The following ANKS1A variants were observed in gnomAD, a reference collection of about 807,000 sequenced individuals.
ANKS1A encodes ankyrin repeat and sterile alpha motif domain containing 1A, also known as ankyrin repeat and SAM domain-containing protein 1A.
Under a neutral mutation model 120.3 loss-of-function variants are expected in ANKS1A, and 55 were observed. The observed-to-expected ratio is 0.46, with a 90% CI of 0.37 to 0.57. The LOEUF (loss-of-function observed/expected upper bound fraction) is 0.57. Ranked by LOEUF, ANKS1A falls within the 20% of genes least tolerant of loss-of-function variation. The pLI, the probability that ANKS1A is intolerant of heterozygous loss-of-function variation, is 0.00. For synonymous variants in ANKS1A, 590 were observed against 604.7 expected (o/e 0.98, Z 0.36); for missense variants, 1,123 against 1,480.3 (o/e 0.76, Z 3.96).
chr6:35,081,483 C>T (rs901647196), intron 17 of ANKS1A, among the ~76,000 whole-genome samples: 1 of 152,212 alleles, frequency 6.6e-6, no homozygotes, highest in African/African-American at 2.4e-5. Flanking sequence ...CACTGCCTCC[C>T]CTGCTGGCCC....
At chr6:35,034,868 G>A (rs1009784635) in intron 11 of ANKS1A, among the ~76,000 whole-genome samples, 4 of 152,330 alleles carry the variant, frequency 2.6e-5, no homozygotes, top group Middle Eastern at 6.8e-3. Context: ...AATGGGCTAA[G>A]GACAGACTTG....
intron 3 of ANKS1A, chr6:34,972,481 T>C (rs78029704): frequency 0.02 from 8,630 of 435,392 alleles, 109 homozygotes; most frequent in Non-Finnish European, 0.024. Flanking sequence ...AGAGGGCAGA[T>C]TCAAGTTGTT....
intron 1 of ANKS1A, among the ~76,000 whole-genome samples, chr6:34,919,523 C>A (rs917243128): frequency 6.6e-6 from 1 of 152,232 alleles, no homozygotes; most frequent in Non-Finnish European, 1.5e-5. Flanking sequence ...CTACACATGC[C>A]TCTTTGCCTA....
Position 35,081,135 on chromosome 6 carries a change from C to A in ANKS1A, c.2686C>A (p.Arg896=). The change falls in exon 17 of 24, where the codon CGA becomes AGA. Residue 896 remains arginine, a synonymous_variant. Transcript: ENST00000360359. ...TCTCCATGACCCTGCGGCACCCTCC[C>A]GAGCGGAGCGCTTCAGGATCCAGGT... is the stretch of plus-strand genomic sequence containing the variant. The part of the protein sequence containing the change: ...DSLHDPAAPS[R]AERFRIQEEH... 1 of 1,611,874 alleles carries A rather than the reference C, an allele frequency of 6.2e-7. No individual in the cohort carries two copies. The highest frequency in any genetic ancestry group is 8.5e-7 in the Non-Finnish European group (1 of 1,179,336).
intron 1 of ANKS1A, among the ~76,000 whole-genome samples, chr6:34,926,535 A>G (rs752733143): frequency 6.6e-6 from 1 of 152,198 alleles, no homozygotes; most frequent in African/African-American, 2.4e-5. Context: ...TCATTGTAGA[A>G]TCCTTGACCC....
intron 1 of ANKS1A, among the ~76,000 whole-genome samples, chr6:34,939,831 A>G (rs1224048697): frequency 6.6e-6 from 1 of 152,236 alleles, no homozygotes; most frequent in Non-Finnish European, 1.5e-5. Context: ...TGCAGAGTAG[A>G]TGATGGTGCA....
At chr6:34,981,543 G>A in intron 3 of ANKS1A, 147 bp from the exon 4 acceptor site, 1 of 804,120 alleles carries the variant, frequency 1.2e-6, no homozygotes, top group Admixed American at 2.6e-5. Context: ...TTGTGGGGGA[G>A]TATGTCTGGA....
At chr6:35,065,504 TACTC>T (rs961181382) in intron 13 of ANKS1A, among the ~76,000 whole-genome samples, 1 of 152,222 alleles carries the variant, frequency 6.6e-6, no homozygotes, top group Non-Finnish European at 1.5e-5. Context: ...AATGTCTAGG[TACTC>T]ACTCAGCCAA....
intron 1 of ANKS1A, among the ~76,000 whole-genome samples, chr6:34,895,395 G>A (rs1362104525): frequency 6.6e-6 from 1 of 152,056 alleles, no homozygotes; most frequent in Non-Finnish European, 1.5e-5. Context: ...ACAGTGATTA[G>A]CATAACCATT....
intron 3 of ANKS1A, among the ~76,000 whole-genome samples, chr6:34,970,550 C>T (rs1392932067): frequency 6.6e-6 from 1 of 152,194 alleles, no homozygotes; most frequent in Non-Finnish European, 1.5e-5. Context: ...CTGTCTCTGT[C>T]TGTGGGTTCC....
At position 35,083,486 on chromosome 6, in the gene ANKS1A, A is replaced by G; in HGVS notation, c.2977A>G (p.Ile993Val). 6.2e-7 allele frequency: 1 copy of G among 1,614,050 alleles called. No individual in the cohort carries two copies. Among genetic ancestry groups the G allele is most frequent in the Non-Finnish European group, 8.5e-7 (1 of 1,179,964 alleles). The change falls in exon 20 of 24, where the codon ATC becomes GTC. Residue 993 changes from isoleucine (I) to valine (V), a missense_variant. Coordinates refer to ENST00000360359, the MANE Select transcript of ANKS1A (RefSeq NM_015245.3). ...CATCACATACAAAGGTGTCAAGTTCATCGATGCCTCCAACAAGGTGTGCTG... is the reference window on the plus strand; with the variant it reads ...CATCACATACAAAGGTGTCAAGTTCGTCGATGCCTCCAACAAGGTGTGCTG... ...LSITYKGVKF[I>V]DASNKNVIAE...
intron 1 of ANKS1A, among the ~76,000 whole-genome samples, chr6:34,940,823 G>T (rs995756157): frequency 6.6e-6 from 1 of 151,342 alleles, no homozygotes; most frequent in Admixed American, 6.6e-5. Flanking sequence ...CGGGAGAATC[G>T]CTTGAACTCA....
At chr6:34,957,729 G>A (rs1770442248) in intron 1 of ANKS1A, among the ~76,000 whole-genome samples, 1 of 152,272 alleles carries the variant, frequency 6.6e-6, no homozygotes, top group Admixed American at 6.5e-5. Context: ...TTGACCTCCT[G>A]AGAACTAATG....
intron 1 of ANKS1A, among the ~76,000 whole-genome samples, chr6:34,927,588 C>T (rs1489730069): frequency 6.6e-6 from 1 of 151,948 alleles, no homozygotes; most frequent in African/African-American, 2.4e-5. Context: ...TGGCACGGGT[C>T]GGAAAGCCAG....
rs146135767 is a variant in ANKS1A, at chr6:35,062,052, G to A, written c.2184+1799G>A. 7.2e-5 allele frequency among the ~76,000 whole-genome samples: 11 copies of A among 152,374 alleles called. No individual in the cohort carries two copies. In the East Asian group the frequency reaches 1.5e-3, roughly 21 times the overall value. ...TACCCCTCAAATAGCCCGAGACTCC[G>A]TAGGACTGGAGCAGAGAGCAGCTGA... On this transcript the variant is annotated intron_variant, in intron 13 of 23. Coordinates refer to ENST00000360359, the MANE Select transcript of ANKS1A (RefSeq NM_015245.3).
At chr6:34,953,332 G>A (rs1315959997) in intron 1 of ANKS1A, among the ~76,000 whole-genome samples, 1 of 152,174 alleles carries the variant, frequency 6.6e-6, no homozygotes, top group African/African-American at 2.4e-5. Flanking sequence ...GGCCTGGGAA[G>A]GTGAGGAAGA....
chr6:35,095,019 T>C (rs1778416696), downstream of ANKS1A, among the ~76,000 whole-genome samples: 1 of 151,358 alleles, frequency 6.6e-6, no homozygotes, highest in Non-Finnish European at 1.5e-5. Flanking sequence ...TGTGTGCCTG[T>C]AGTCCCAACT....
At chr6:35,088,275 A>T (rs1315733060) in intron 23 of ANKS1A, among the ~76,000 whole-genome samples, 1 of 152,234 alleles carries the variant, frequency 6.6e-6, no homozygotes, top group Non-Finnish European at 1.5e-5. Flanking sequence ...TTTGGATGGC[A>T]GGAGACAGGA....
Position 35,089,981 on chromosome 6 carries a change from T to C in ANKS1A, c.*1372T>C. On this transcript the variant is annotated 3_prime_UTR_variant, in exon 24 of 24. Coordinates refer to ENST00000360359, the MANE Select transcript of ANKS1A (RefSeq NM_015245.3). ...GCTGTGAATTTGAATTCTTTGTTGG[T>C]ATGTATGTGCAGGGAGTACTGTTAG... 1 of 1,173,268 alleles carries C rather than the reference T, an allele frequency of 8.5e-7. No individual in the cohort carries two copies. Among genetic ancestry groups the C allele is most frequent in the Non-Finnish European group, 1.1e-6 (1 of 932,086 alleles). The allele number at this position is 1,173,268 out of a possible 1,614,324, so 72.7% of individuals were successfully genotyped here.
Sources: gnomAD v4.1 joint callset for allele counts (sites outside exome capture counted in the v4.1 genomes callset) on GRCh38, gnomAD v4.1.1 for gene constraint, MANE v1.5 for transcripts, NCBI Gene and HGNC (gene_info 2026-07-23, HGNC 2026-07-21) for gene names.